SHC3: variants seen among roughly 807,000 people sequenced by gnomAD.
SHC3 encodes SHC-transforming protein 3.
A neutral mutation model predicts 60.4 loss-of-function variants in SHC3; 15 were observed. The ratio of observed to expected loss-of-function variants is 0.25; its 90% CI spans 0.17 to 0.38. The LOEUF is 0.38. Ranked by LOEUF, SHC3 falls within the 10% of genes least tolerant of loss-of-function variation. The pLI is 1.00. For missense variants in SHC3, 677 were observed against 786.1 expected (o/e 0.86, Z 1.66); for synonymous variants, 294 against 325.9 (o/e 0.90, Z 1.05).
At chr9:89,060,043 C>T (rs1427082865) in intron 6 of SHC3, among the ~76,000 whole-genome samples, 9 of 135,580 alleles carry the variant, frequency 6.6e-5, no homozygotes, top group Middle Eastern at 6.3e-3. Flanking sequence ...GGTGTTAGGA[C>T]GTGGTGGAGG....
intron 6 of SHC3, among the ~76,000 whole-genome samples, chr9:89,064,896 T>A (rs1825153072): frequency 2.0e-5 from 3 of 152,186 alleles, no homozygotes; most frequent in Admixed American, 2.0e-4. Flanking sequence ...TTTGTGCCGT[T>A]ATTAATTCCA....
chr9:89,121,528 G>C (rs981680803), intron 1 of SHC3, among the ~76,000 whole-genome samples: 11 of 152,152 alleles, frequency 7.2e-5, no homozygotes, highest in Non-Finnish European at 2.9e-5. Context: ...GACCTCAGGA[G>C]ATCTGCCCAC....
At chr9:89,111,927 G>A (rs1014736010) in intron 2 of SHC3, among the ~76,000 whole-genome samples, 5 of 152,182 alleles carry the variant, frequency 3.3e-5, no homozygotes, top group South Asian at 4.1e-4. Context: ...AAGCTGGCTT[G>A]AAACTGGCAT....
At chr9:89,028,088 A>G (rs964069157) in intron 11 of SHC3, among the ~76,000 whole-genome samples, 5 of 152,200 alleles carry the variant, frequency 3.3e-5, no homozygotes, top group African/African-American at 1.2e-4. Flanking sequence ...AACTCTTGGG[A>G]GGCACCCAGG....
At chr9:89,026,274 A>C (rs933797654) in intron 11 of SHC3, among the ~76,000 whole-genome samples, 3 of 142,018 alleles carry the variant, frequency 2.1e-5, no homozygotes, top group African/African-American at 2.6e-5. Flanking sequence ...AAAAAAAAAA[A>C]CAAGAAAAGA....
At chr9:89,018,491 G>C (rs796676655) in intron 11 of SHC3, among the ~76,000 whole-genome samples, 4 of 152,182 alleles carry the variant, frequency 2.6e-5, no homozygotes, top group African/African-American at 9.6e-5. Flanking sequence ...GGGCCTGTCA[G>C]GGGGTGGGGG....
chr9:89,017,377 G>T (rs1239521645), intron 11 of SHC3, among the ~76,000 whole-genome samples: 1 of 152,166 alleles, frequency 6.6e-6, no homozygotes, highest in African/African-American at 2.4e-5. Context: ...TGACAAACCT[G>T]ACAGAAACAT....
At chr9:89,112,954 T>C (rs772897977) in intron 1 of SHC3, among the ~76,000 whole-genome samples, 3 of 152,202 alleles carry the variant, frequency 2.0e-5, no homozygotes, top group Non-Finnish European at 2.9e-5. Flanking sequence ...TTTAATTCAA[T>C]GATTGTTTAA....
rs1416549904 is a variant in SHC3, at chr9:89,010,211, G to A, written c.*3236C>T. The A allele has an allele frequency of 6.6e-6, 1 of 152,244 alleles. No homozygotes were observed. Among genetic ancestry groups the A allele is most frequent in the Non-Finnish European group, 1.5e-5 (1 of 68,038 alleles). 9.4% of individuals were successfully genotyped at this position (152,244 alleles called of 1,614,324 possible). On this transcript the variant is annotated 3_prime_UTR_variant, in exon 12 of 12. Transcript: ENST00000375835. ...CTCATCAAGGCTGAGCGGACGCCCA[G>A]TCTTTGGGTGCTTCAAATATAAAAA...
chr9:89,037,933 C>A, intron 11 of SHC3, 60 bp downstream of exon 11: 1 of 1,562,720 alleles, frequency 6.4e-7, no homozygotes, highest in Non-Finnish European at 8.6e-7. Context: ...AAAGTGGAGA[C>A]TGTTTAAGGC....
At chr9:89,051,341 G>T (rs1824858461) in intron 7 of SHC3, among the ~76,000 whole-genome samples, 1 of 152,146 alleles carries the variant, frequency 6.6e-6, no homozygotes, top group Non-Finnish European at 1.5e-5. Context: ...GCTTGATGCT[G>T]TATGGAATAT....
chr9:89,146,089 C>T (rs534433717), intron 1 of SHC3, among the ~76,000 whole-genome samples: 91 of 152,128 alleles, frequency 6.0e-4, no homozygotes, highest in African/African-American at 2.2e-3. Flanking sequence ...AAGTAGTGAA[C>T]ATTTTCAGAT....
chr9:89,090,171 A>G (rs1161202421), intron 2 of SHC3, among the ~76,000 whole-genome samples: 1 of 152,136 alleles, frequency 6.6e-6, no homozygotes, highest in Non-Finnish European at 1.5e-5. Context: ...CACATATTAT[A>G]TATAAAATTT....
At chr9:89,109,823 C>A in intron 2 of SHC3, 21 of 985,480 alleles carry the variant, frequency 2.1e-5, no homozygotes, top group Non-Finnish European at 2.5e-5. Flanking sequence ...AACACTCATA[C>A]CAAGATCACA....
chr9:89,029,106 T>C (rs944999908), intron 11 of SHC3, among the ~76,000 whole-genome samples: 2 of 151,404 alleles, frequency 1.3e-5, no homozygotes, highest in Admixed American at 6.6e-5. Flanking sequence ...TAGAACATAA[T>C]TTCAAAGAAC....
intron 1 of SHC3, among the ~76,000 whole-genome samples, chr9:89,148,549 C>A (rs924817399): frequency 1.3e-5 from 2 of 152,168 alleles, no homozygotes; most frequent in Non-Finnish European, 2.9e-5. Context: ...GAAAAGGATA[C>A]AGGTAACTTT....
intron 11 of SHC3, among the ~76,000 whole-genome samples, chr9:89,031,433 A>G (rs889123003): frequency 6.6e-6 from 1 of 152,152 alleles, no homozygotes; most frequent in Non-Finnish European, 1.5e-5. Flanking sequence ...GGAATCACTC[A>G]TCTATTTTCG....
rs781014380 is a variant in SHC3, at chr9:89,065,535, G to C, written c.829C>G (p.Arg277Gly). 16 of 1,614,154 alleles carry C rather than the reference G, an allele frequency of 9.9e-6. No individual in the cohort carries two copies. The highest frequency in any genetic ancestry group is 1.4e-5 in the Non-Finnish European group (16 of 1,180,010). ...GGGGTCAAGCACCGCTTACCTCTGC[G>C]ATTAACAGGGTCCTTAGCCACATAT... ...VAYVAKDPVNRRACHILECCD... is the reference protein window; with the variant it reads ...VAYVAKDPVNGRACHILECCD... Residue 277 changes from arginine (R) to glycine (G), a missense_variant, in exon 6 of 12, where the codon CGC becomes GGC. Transcript: ENST00000375835.
At position 89,173,147 on chromosome 9, in the gene SHC3, A is replaced by T. The variant is rs142466966; in HGVS notation, c.474+4840T>A. On this transcript the variant is annotated intron_variant, in intron 1 of 11. Coordinates refer to ENST00000375835, the MANE Select transcript of SHC3 (RefSeq NM_016848.6). ...CAGCCAGGTCCAGAGAGGTGAGCTG[A>T]CTGCTCTAGCCCCACACTAAGCTGG... Among the ~76,000 whole-genome samples, 929 of 152,358 alleles carry T rather than the reference A, an allele frequency of 6.1e-3. 3 individuals carry two copies. The highest frequency in any genetic ancestry group is 0.012 in the South Asian group (58 of 4,826).
Sources: gnomAD v4.1 joint callset for allele counts (sites outside exome capture counted in the v4.1 genomes callset) on GRCh38, gnomAD v4.1.1 for gene constraint, MANE v1.5 for transcripts, NCBI Gene and HGNC (gene_info 2026-07-23, HGNC 2026-07-21) for gene names.